The following ABAT variants were observed in gnomAD, a reference collection of about 807,000 sequenced individuals.
ABAT encodes the protein 4-aminobutyrate aminotransferase.
Under a neutral mutation model 64.6 loss-of-function variants are expected in ABAT, and 45 were observed. The ratio of observed to expected loss-of-function variants is 0.70; its 90% CI spans 0.55 to 0.89. The LOEUF (loss-of-function observed/expected upper bound fraction) is 0.89, where lower values mean the gene tolerates loss of function less well. Among genes scored for constraint, ABAT ranks in the 40% least tolerant of loss-of-function variants. The pLI is 0.00. For missense variants in ABAT, 633 were observed against 658.4 expected (o/e 0.96, Z 0.42); for synonymous variants, 297 against 250.5 (o/e 1.19, Z -1.75).
intron 12 of ABAT, among the ~76,000 whole-genome samples, chr16:8,773,857 C>T (rs1190871762): frequency 6.6e-6 from 1 of 152,234 alleles, no homozygotes; most frequent in African/African-American, 2.4e-5. Flanking sequence ...TAGTTCCATC[C>T]ACGTCATTGC....
chr16:8,772,950 A>G (rs1379630128), intron 12 of ABAT, 33 bp downstream of exon 12: 2 of 1,612,194 alleles, frequency 1.2e-6, no homozygotes, highest in Non-Finnish European at 1.7e-6. Flanking sequence ...GGATGGAGCC[A>G]TTGGGTTTTC....
chr16:8,738,868 C>G, intron 2 of ABAT, among the ~76,000 whole-genome samples: 1 of 152,190 alleles, frequency 6.6e-6, no homozygotes, highest in East Asian at 1.9e-4. Context: ...TAGTCTCCAA[C>G]TCCTGACCTC....
chr16:8,734,195 A>G (rs2058843887), intron 1 of ABAT, among the ~76,000 whole-genome samples: 1 of 152,212 alleles, frequency 6.6e-6, no homozygotes, highest in Non-Finnish European at 1.5e-5. Context: ...AAGAAGCCTG[A>G]TAAATCATGC....
At chr16:8,767,709 C>G (rs2059984583) in intron 9 of ABAT, among the ~76,000 whole-genome samples, 1 of 152,288 alleles carries the variant, frequency 6.6e-6, no homozygotes, top group African/African-American at 2.4e-5. Flanking sequence ...GAGTCTCGCT[C>G]TTGTTGACCA....
At chr16:8,731,768 G>A (rs146338959) in intron 1 of ABAT, among the ~76,000 whole-genome samples, 388 of 152,124 alleles carry the variant, frequency 2.6e-3, no homozygotes, top group Non-Finnish European at 4.4e-3. Context: ...ACTTCATCCT[G>A]CAAACTGAAA....
At chr16:8,678,850 C>G (rs990821421) in intron 1 of ABAT, among the ~76,000 whole-genome samples, 3 of 152,068 alleles carry the variant, frequency 2.0e-5, no homozygotes, top group Non-Finnish European at 2.9e-5. Flanking sequence ...AAGATAAAGT[C>G]ACAGAATCAA....
chr16:8,776,728 GT>G lies in ABAT; in HGVS notation c.1269+246del, dbSNP rs895283035. Among the ~76,000 whole-genome samples the G allele has an allele frequency of 2.0e-5, 3 of 151,894 alleles. No individual in the cohort carries two copies. The highest frequency in any genetic ancestry group is 2.9e-5 in the Non-Finnish European group (2 of 67,954). ...TGAACTCCTGGTTTTCTTTGTTGTT[GT>G]TTTTTTTAATTTATTTTTTATTTTT... On this transcript the variant is annotated intron_variant, in intron 14 of 15. Coordinates refer to ENST00000268251, the MANE Select transcript of ABAT (RefSeq NM_020686.6). The surrounding 1 kb of genome is among the most constrained non-coding windows in gnomAD (Gnocchi z 4.4).
At chr16:8,706,410 A>G (rs1357961635) in intron 1 of ABAT, among the ~76,000 whole-genome samples, 1 of 147,008 alleles carries the variant, frequency 6.8e-6, no homozygotes, top group African/African-American at 2.5e-5. Flanking sequence ...GTTTCAAAAA[A>G]AAAAAAAAAA....
intron 2 of ABAT, chr16:8,737,075 C>G (rs993739021): frequency 6.6e-6 from 1 of 152,472 alleles, no homozygotes; most frequent in African/African-American, 2.4e-5. Context: ...AGACAAACTG[C>G]TAGCCGTGTC....
rs531292225 is a variant in ABAT at position 8,766,901 on chromosome 16, G to A, written c.603+631G>A. Among the ~76,000 whole-genome samples, 73 of 151,740 alleles carry A rather than the reference G, an allele frequency of 4.8e-4. 2 individuals are homozygous for A. In the South Asian group the frequency reaches 0.013, roughly 27 times the overall value. Reference sequence around the variant, plus strand: ...GGAGAATCGCTTGAACCCGACGGGCGCGGAGGTTGCAGTAGGCCGAGATCT... The same window carrying A: ...GGAGAATCGCTTGAACCCGACGGGCACGGAGGTTGCAGTAGGCCGAGATCT... On this transcript the variant is annotated intron_variant, in intron 9 of 15. Transcript: ENST00000268251.
chr16:8,733,112 CCGGGCGGGGGG>C (rs2058795028), intron 1 of ABAT, among the ~76,000 whole-genome samples: 1 of 147,162 alleles, frequency 6.8e-6, no homozygotes, highest in African/African-American at 2.6e-5. Flanking sequence ...GGGCGGCTGG[CCGGGCGGGGGG>C]CTGACCCCCC....
intron 1 of ABAT, among the ~76,000 whole-genome samples, chr16:8,687,347 A>AC (rs760795332): frequency 6.6e-5 from 10 of 151,806 alleles, no homozygotes; most frequent in Non-Finnish European, 1.5e-4. Context: ...ACACGGTGAA[A>AC]CCCCGTCTCT....
At chr16:8,768,507 C>T (rs932554811) in intron 10 of ABAT, among the ~76,000 whole-genome samples, 9 of 152,202 alleles carry the variant, frequency 5.9e-5, no homozygotes, top group East Asian at 1.9e-4. Context: ...AAAGCCTGCG[C>T]TGCATCTGTG....
chr16:8,768,102 G>C, intron 9 of ABAT, 91 bp from the exon 10 acceptor site: 2 of 1,370,774 alleles, frequency 1.5e-6, no homozygotes, highest in Non-Finnish European at 2.1e-6. Flanking sequence ...TCTTCTGATA[G>C]ATTTCTGTGT....
intron 5 of ABAT, among the ~76,000 whole-genome samples, chr16:8,755,941 C>T (rs1324037775): frequency 6.6e-6 from 1 of 151,944 alleles, no homozygotes; most frequent in Non-Finnish European, 1.5e-5. Context: ...CCCAGCTACT[C>T]GGGAGGCTGA....
Position 8,781,010 on chromosome 16 carries a change from C to A in ABAT, c.1382-299C>A, listed in dbSNP as rs114966301. Among the ~76,000 whole-genome samples, 615 of 152,054 alleles carry A rather than the reference C, an allele frequency of 4.0e-3. 8 individuals carry two copies. Among genetic ancestry groups the A allele is most frequent in the African/African-American group, 0.014 (583 of 41,468 alleles). On this transcript the variant is annotated intron_variant, in intron 15 of 15. Transcript: ENST00000268251. This position sits in a 1 kb window ranked among gnomAD's most constrained non-coding sequence, Gnocchi z 4.5. ...AGGATTTCTCTATCACCAGACCTAG[C>A]TTGGGGCAGCAAAGCAGGCACTCAA... is the stretch of plus-strand genomic sequence containing the variant.
intron 8 of ABAT, 148 bp from the exon 9 acceptor site, chr16:8,766,060 A>T: frequency 1.4e-6 from 1 of 732,504 alleles, no homozygotes; most frequent in Non-Finnish European, 2.4e-6. Flanking sequence ...CTCACGTTTC[A>T]GTACAGACCT....
Position 8,699,883 on chromosome 16 carries a change from G to A in ABAT, c.-42+25172G>A, listed in dbSNP as rs975191288. On this transcript the variant is annotated intron_variant, in intron 1 of 15. Transcript: ENST00000268251. ...GGCTGGAGTGCAGTGGCACGATCAC[G>A]GCTGACTGCAACCTCGACCTCTTGG... Among the ~76,000 whole-genome samples the A allele has an allele frequency of 2.6e-5, 4 of 151,998 alleles. 1 individual carries two copies. The highest frequency in any genetic ancestry group is 4.1e-4 in the South Asian group (2 of 4,820).
intron 1 of ABAT, among the ~76,000 whole-genome samples, chr16:8,682,286 C>T (rs1271386222): frequency 2.0e-5 from 3 of 150,964 alleles, no homozygotes; most frequent in Non-Finnish European, 4.4e-5. Flanking sequence ...TAGATGGATG[C>T]ATGGATGGAC....
Sources: allele counts gnomAD v4.1 joint callset (sites outside exome capture counted in the v4.1 genomes callset), GRCh38; gene constraint gnomAD v4.1.1; non-coding constraint Gnocchi (gnomAD v3.1); transcripts MANE v1.5; gene names NCBI Gene and HGNC (gene_info 2026-07-23, HGNC 2026-07-21).